Variants in FLNA observed in about 807,000 individuals in gnomAD.
The protein encoded by FLNA is filamin A, also known as filamin-A.
A neutral mutation model predicts 157.6 loss-of-function variants in FLNA; 7 were observed. The observed-to-expected ratio is 0.04, with a 90% CI of 0.03 to 0.08. The LOEUF (loss-of-function observed/expected upper bound fraction) is 0.08. FLNA is among the 10% of genes least tolerant of loss of function. The probability of loss-of-function intolerance (pLI) is 1.00; values close to 1 mark genes in which losing one functional copy is unlikely to be tolerated. For synonymous variants in FLNA, 1,103 were observed against 1,060.8 expected (o/e 1.04, Z -0.77); for missense variants, 1,750 against 2,398.4 (o/e 0.73, Z 5.65).
chrX:154,372,555 G>C (rs914720913), intron 1 of FLNA, among the ~76,000 whole-genome samples: 1 of 111,028 alleles, frequency 9.0e-6, no homozygotes, highest in African/African-American at 3.3e-5. Context: ...TCTGGAGATG[G>C]TGCAGTGGCT....
At chrX:154,363,065 G>C (rs1478809040) in intron 15 of FLNA, among the ~76,000 whole-genome samples, 1 of 112,760 alleles carries the variant, frequency 8.9e-6, no homozygotes, top group Non-Finnish European at 1.9e-5. Flanking sequence ...CTGTTAGCAA[G>C]TGAACGGAAA....
chrX:154,351,551 C>T, intron 43 of FLNA, 30 bp downstream of exon 43: 1 of 1,043,903 alleles, frequency 9.6e-7, no homozygotes, highest in Non-Finnish European at 1.3e-6. Flanking sequence ...CCCAGGAGCC[C>T]CAGGTGGGCG....
chrX:154,366,366 G>T lies in FLNA; in HGVS notation c.1170C>A (p.Gly390=), dbSNP rs1603362865. 1 of 1,210,975 alleles carries T rather than the reference G, an allele frequency of 8.3e-7. No individual in the cohort carries two copies. Among genetic ancestry groups the T allele is most frequent in the Non-Finnish European group, 1.1e-6 (1 of 895,348 alleles). Residue 390 remains glycine (G), a synonymous_variant, in exon 8 of 48, where the codon GGC becomes GGA. Transcript: ENST00000369850. The part of the protein sequence containing the change: ...DASKVTAQGP[G]LEPSGNIANK... ...TGGCGATGTTGCCACTGGGCTCCAG[G>T]CCGGGACCTTGGGCTGTCACTTTGC... is the stretch of plus-strand genomic sequence containing the variant.
intron 28 of FLNA, 95 bp from the exon 29 acceptor site, chrX:154,357,718 G>A: frequency 2.4e-6 from 2 of 822,998 alleles, no homozygotes; most frequent in Admixed American, 2.5e-5. Flanking sequence ...TGCTGCTACA[G>A]GGACAGTCTC....
chrX:154,366,790 C>G lies in FLNA; in HGVS notation c.929G>C (p.Ser310Thr), dbSNP rs782184460. Residue 310 changes from serine to threonine, a missense_variant, in exon 6 of 48, where the codon AGT becomes ACT. Ser to Thr is a moderately conservative substitution (Grantham distance 58, BLOSUM62 1). Transcript: ENST00000369850. ...KRAEFTVETR[S>T]AGQGEVLVYV... ...CACCAGCACCTCTCCCTGGCCAGCA[C>G]TTCTGGTCTCCACAGTGAACTCTGC... 8.3e-7 allele frequency: 1 copy of G among 1,211,974 alleles called. No individual in the cohort carries two copies. Among genetic ancestry groups the G allele is most frequent in the Non-Finnish European group, 1.1e-6 (1 of 895,464 alleles).
At chrX:154,351,403 G>A (rs942051514) in intron 43 of FLNA, 178 bp downstream of exon 43, 105 of 448,061 alleles carry the variant, frequency 2.3e-4, no homozygotes, top group Non-Finnish European at 3.4e-4. Context: ...TCCACGTGGT[G>A]GGCAGGATAT....
chrX:154,352,831 C>A lies in FLNA; in HGVS notation c.6320G>T (p.Cys2107Phe). ...LEDGTCRVTYCPTEPGNYIIN... is the reference protein window; with the variant it reads ...LEDGTCRVTYFPTEPGNYIIN... ...GATGTAGTTGCCTGGCTCTGTGGGG[C>A]AGTAGGTGACCCTGCACGTCCCGTC... The change falls in exon 39 of 48, where the codon TGC becomes TTC. Residue 2107 changes from cysteine (C) to phenylalanine (F), a missense_variant. Around this residue, in one of 5 missense-constraint regions of FLNA, gnomAD observed 970 missense variants for 1,302.6 expected, o/e 0.74. Transcript: ENST00000369850. The A allele has an allele frequency of 8.3e-7, 1 of 1,211,663 alleles. No individual in the cohort carries two copies. Among genetic ancestry groups the A allele is most frequent in the Non-Finnish European group, 1.1e-6 (1 of 895,372 alleles).
rs2067620343 is a variant in FLNA at position 154,351,635 on chromosome X, C to T, written c.6969G>A (p.Val2323=). Residue 2323 remains valine (V), a synonymous_variant, in exon 43 of 48, where the codon GTG becomes GTA. Transcript: ENST00000369850. ...EEHIPDSPFV[V]PVASPSGDAR... is the part of the protein sequence containing the mutation. Reference sequence around the variant, plus strand: ...CGTCGCCAGACGGAGAAGCCACAGGCACCACGAAGGGGCTGTCGGGAATGT... The same window carrying T: ...CGTCGCCAGACGGAGAAGCCACAGGTACCACGAAGGGGCTGTCGGGAATGT... 2.5e-6 allele frequency: 3 copies of T among 1,209,883 alleles called. No homozygotes were observed. Among genetic ancestry groups the T allele is most frequent in the Non-Finnish European group, 3.4e-6 (3 of 893,703 alleles).
At chrX:154,359,942 G>A (rs782320016) in intron 22 of FLNA, 37 bp from the exon 23 acceptor site, 3 of 1,207,651 alleles carry the variant, frequency 2.5e-6, no homozygotes, top group Non-Finnish European at 2.2e-6. Flanking sequence ...GGGCTCGGGG[G>A]TTCTGGTCCC....
At chrX:154,356,139 C>G (rs1557176811) in intron 30 of FLNA, among the ~76,000 whole-genome samples, 1 of 112,080 alleles carries the variant, frequency 8.9e-6, no homozygotes, top group Non-Finnish European at 1.9e-5. Context: ...GTGGCTTGGG[C>G]CCCAACCTCA....
chrX:154,362,368 G>A (rs782770509), intron 17 of FLNA, 36 bp from the exon 18 acceptor site: 63 of 1,205,844 alleles, frequency 5.2e-5, no homozygotes, highest in Non-Finnish European at 7.0e-5. Context: ...TTAGAGGAGG[G>A]CAGACGTCAT....
At chrX:154,372,131 GCACT>G (rs2067813213) in intron 1 of FLNA, among the ~76,000 whole-genome samples, 1 of 113,514 alleles carries the variant, frequency 8.8e-6, no homozygotes, top group Non-Finnish European at 1.9e-5. Flanking sequence ...GAGGCCGCCG[GCACT>G]CCAGGAGCAA....
rs1557180247 is a variant in FLNA at position 154,371,188 on chromosome X, C to A, written c.58G>T (p.Gly20Cys). The A allele has an allele frequency of 3.3e-6, 4 of 1,195,326 alleles. No homozygotes were observed. The Admixed American group carries it at 6.9e-5, about 21-fold the overall frequency. ...QSAAGAAPGG[G>C]VDTRDAEMPA... ...ATCTCGGCGTCCCGCGTGTCGACGC[C>A]GCCGCCCGGAGCCGCGCCTGCTGCG... The change falls in exon 2 of 48, where the codon GGC (glycine) becomes TGC (cysteine). Residue 20 changes from glycine (G) to cysteine (C), a missense_variant. Transcript: ENST00000369850.
rs782178831 is a variant in FLNA at position 154,364,624 on chromosome X, C to T, written c.1924G>A (p.Glu642Lys). 7.4e-6 allele frequency: 9 copies of T among 1,211,311 alleles called. No individual in the cohort carries two copies. Among genetic ancestry groups the T allele is most frequent in the South Asian group, 1.8e-5 (1 of 57,005 alleles). The change falls in exon 13 of 48, where the codon GAG becomes AAG. Residue 642 changes from glutamate (E) to lysine (K), a missense_variant. Physicochemically the swap from Glu to Lys is moderately conservative, Grantham distance 56. Around this residue, in one of 5 missense-constraint regions of FLNA, gnomAD observed 648 missense variants for 805.8 expected, o/e 0.80. Transcript: ENST00000369850. ...DVRYWPQEAGEYAVHVLCNSE... is the reference protein window; with the variant it reads ...DVRYWPQEAGKYAVHVLCNSE... ...TTGCACAGCACGTGAACGGCATACT[C>T]GCCAGCCTCCTGCGGCCAGTAGCGC...
intron 30 of FLNA, 38 bp from the exon 31 acceptor site, chrX:154,355,110 G>C: frequency 8.5e-7 from 1 of 1,183,320 alleles, no homozygotes. Flanking sequence ...GGGGGCCAGC[G>C]TGTGAGCTCG....
At chrX:154,373,892 A>T (rs896085759) in intron 1 of FLNA, among the ~76,000 whole-genome samples, 16 of 113,015 alleles carry the variant, frequency 1.4e-4, no homozygotes, top group Non-Finnish European at 2.8e-4. Flanking sequence ...ATCTGGGGAC[A>T]TTGTTGGTTA....
chrX:154,352,522 G>C, intron 40 of FLNA, 31 bp downstream of exon 40: 1 of 1,211,369 alleles, frequency 8.3e-7, no homozygotes, highest in Non-Finnish European at 1.1e-6. Flanking sequence ...TGAGCCCCAG[G>C]ACCCCTCCCC....
rs1216905170 is a variant in FLNA, at chrX:154,365,363, G to A, written c.1553C>T (p.Thr518Ile). ...KGAGSGELKVTVKGPKGEERV... is the reference protein window; with the variant it reads ...KGAGSGELKVIVKGPKGEERV... The stretch of plus-strand genomic sequence containing the variant: ...GGCCAACTTACTGGGGCCCTTCACG[G>A]TGACCTTCAGCTCCCCACTGCCAGC... The change falls in exon 10 of 48, where the codon ACC becomes ATC. Residue 518 changes from threonine to isoleucine, a missense_variant. Thr to Ile is a moderately conservative substitution (Grantham distance 89, BLOSUM62 -1). Around this residue, in one of 5 missense-constraint regions of FLNA, gnomAD observed 648 missense variants for 805.8 expected, o/e 0.80. Coordinates refer to ENST00000369850, the MANE Select transcript of FLNA (RefSeq NM_001110556.2). 2 of 1,210,668 alleles carry A rather than the reference G, an allele frequency of 1.7e-6. No homozygotes were observed. The highest frequency in any genetic ancestry group is 2.2e-5 in the Admixed American group (1 of 45,974).
rs2148105089 is a variant in FLNA at position 154,353,134 on chromosome X, G to A, written c.6093C>T (p.Ala2031=). The A allele has an allele frequency of 2.5e-6, 3 of 1,210,924 alleles. No individual in the cohort carries two copies. The highest frequency in any genetic ancestry group is 3.4e-6 in the Non-Finnish European group (3 of 895,260). Reference sequence around the variant, plus strand: ...TGATCACCACCGGGATGGGGCTGCTGGCCACGTGCTGGCCATTTTTCTTCA... The same window carrying A: ...TGATCACCACCGGGATGGGGCTGCTAGCCACGTGCTGGCCATTTTTCTTCA... The part of the protein sequence containing the change: ...VHVKKNGQHV[A]SSPIPVVISQ... The change falls in exon 38 of 48, where the codon GCC becomes GCT. Residue 2031 remains alanine, a synonymous_variant. Transcript: ENST00000369850.
Sources: allele counts gnomAD v4.1 joint callset (sites outside exome capture counted in the v4.1 genomes callset), GRCh38; gene constraint gnomAD v4.1.1; regional missense constraint gnomAD v4.1.1; transcripts MANE v1.5; gene names NCBI Gene and HGNC (gene_info 2026-07-23, HGNC 2026-07-21).